Variants in MYH15 observed in about 807,000 individuals in gnomAD.
The protein encoded by MYH15 is myosin-15.
Under a neutral mutation model 240.5 loss-of-function variants are expected in MYH15, and 227 were observed. The observed-to-expected ratio is 0.94, with a 90% confidence interval of 0.85 to 1.05. The LOEUF is 1.05. Ranked by LOEUF, MYH15 falls within the 50% of genes least tolerant of loss-of-function variation. The pLI, the probability that MYH15 is intolerant of heterozygous loss-of-function variation, is 0.00. For missense variants in MYH15, 2,217 were observed against 2,247.5 expected (o/e 0.99, Z 0.27); for synonymous variants, 785 against 796.7 (o/e 0.99, Z 0.25).
chr3:108,410,583 C>T lies in MYH15; in HGVS notation c.4495G>A (p.Glu1499Lys). The T allele has an allele frequency of 3.2e-6, 5 of 1,585,102 alleles. No homozygotes were observed. Among genetic ancestry groups the T allele is most frequent in the Non-Finnish European group, 4.3e-6 (5 of 1,159,446 alleles). Residue 1499 changes from glutamate (E) to lysine (K), a missense_variant and splice_region_variant, in exon 31 of 41, where the codon GAA becomes AAA. Coordinates refer to ENST00000693548, the MANE Select transcript of MYH15 (RefSeq NM_014981.3). ...TGGCTCTGAGCCCAGCTCGGTGTACCTTGGAGGTTCTTGTTCTCCCTCCTG... is the reference window on the plus strand; with the variant it reads ...TGGCTCTGAGCCCAGCTCGGTGTACTTTGGAGGTTCTTGTTCTCCCTCCTG... ...TLRRENKNLQ[E>K]EISNLTNQVR...
intron 27 of MYH15, among the ~76,000 whole-genome samples, chr3:108,422,362 C>T (rs2082690562): frequency 6.6e-6 from 1 of 151,986 alleles, no homozygotes; most frequent in African/African-American, 2.4e-5. Context: ...GGATTATAGG[C>T]ATGCGCCACC....
intron 21 of MYH15, among the ~76,000 whole-genome samples, chr3:108,446,547 A>G (rs190775978): frequency 1.6e-4 from 25 of 152,340 alleles, no homozygotes; most frequent in African/African-American, 5.8e-4. Context: ...TGAATAATCA[A>G]AAAAATGACA....
intron 21 of MYH15, among the ~76,000 whole-genome samples, chr3:108,452,963 AAATT>A: frequency 6.6e-6 from 1 of 152,300 alleles, no homozygotes; most frequent in East Asian, 1.9e-4. Context: ...CAAAAATAAG[AAATT>A]AATAATAATA....
the MYH15 span, among the ~76,000 whole-genome samples, chr3:108,542,058 T>G: frequency 1.3e-5 from 2 of 152,110 alleles, no homozygotes; most frequent in Admixed American, 6.5e-5. Context: ...GGGAAATAAC[T>G]GTCATGTATC....
intron 1 of MYH15, among the ~76,000 whole-genome samples, chr3:108,525,403 T>A (rs1254250814): frequency 6.6e-6 from 1 of 152,142 alleles, no homozygotes; most frequent in African/African-American, 2.4e-5. Flanking sequence ...TGGGTACAGA[T>A]GTTTTAGCAG....
rs542966194 is a variant in MYH15 at position 108,410,901 on chromosome 3, C to T, written c.4177G>A (p.Ala1393Thr). The T allele has an allele frequency of 1.9e-6, 3 of 1,604,856 alleles. No homozygotes were observed. In the African/African-American group the frequency reaches 4.0e-5, roughly 21 times the overall value. The change falls in exon 31 of 41, where the codon GCC (alanine) becomes ACC (threonine). Residue 1393 changes from alanine (A) to threonine (T), a missense_variant. Ala to Thr is a moderately conservative substitution (Grantham distance 58). Transcript: ENST00000693548. ...KELAIRLQEA[A>T]EAMGVANARN... ...GCATTGGCCACCCCCATGGCTTCGGCTGCCTCCTGCAATCTAATTGCCAGT... is the reference window on the plus strand; with the variant it reads ...GCATTGGCCACCCCCATGGCTTCGGTTGCCTCCTGCAATCTAATTGCCAGT...
intron 3 of MYH15, 44 bp downstream of exon 3, chr3:108,501,668 G>A (rs2107238491): frequency 1.2e-6 from 2 of 1,610,660 alleles, no homozygotes; most frequent in Middle Eastern, 3.3e-4. Flanking sequence ...GACATGCAAT[G>A]TGACTGCCAA....
At chr3:108,439,990 T>A (rs12629032) in intron 23 of MYH15, 77 bp from the exon 24 acceptor site, 97,015 of 1,322,558 alleles carry the variant, frequency 0.073, 9,973 homozygotes, top group East Asian at 0.57. Flanking sequence ...ATTTCTCTTC[T>A]GTCGTCCAAA....
upstream of MYH15, among the ~76,000 whole-genome samples, chr3:108,532,147 T>C (rs191432605): frequency 1.6e-4 from 25 of 152,184 alleles, no homozygotes; most frequent in East Asian, 4.5e-3. Flanking sequence ...TGTTGTCATC[T>C]GTGACAGTTA....
In MYH15 at chr3:108,463,180, C is replaced by T. The variant is rs770181748; in HGVS notation, c.1795G>A (p.Ala599Thr). The T allele has an allele frequency of 2.5e-6, 4 of 1,613,344 alleles. No individual in the cohort carries two copies. In the Admixed American group the frequency reaches 5.0e-5, roughly 20 times the overall value. The change falls in exon 16 of 41, where the codon GCT (alanine) becomes ACT (threonine). Residue 599 changes from alanine to threonine, a missense_variant. By Grantham distance (58) the Ala-to-Thr change is moderately conservative (BLOSUM62 0). Coordinates refer to ENST00000693548, the MANE Select transcript of MYH15 (RefSeq NM_014981.3). ...NKDLLNETVV[A>T]VFQKSSNRLL... Reference sequence around the variant, plus strand: ...CTGTTGGAAGACTTCTGAAATACAGCTACCACTGTTTCATTAAGGAGGTCT... The same window carrying T: ...CTGTTGGAAGACTTCTGAAATACAGTTACCACTGTTTCATTAAGGAGGTCT...
chr3:108,471,681 TG>T (rs2083178753), intron 12 of MYH15, among the ~76,000 whole-genome samples: 2 of 152,154 alleles, frequency 1.3e-5, no homozygotes, highest in African/African-American at 4.8e-5. Flanking sequence ...CCCCTCCTTC[TG>T]GTCTTGGGCT....
chr3:108,424,703 T>C (rs1336106649), intron 27 of MYH15, among the ~76,000 whole-genome samples: 2 of 152,250 alleles, frequency 1.3e-5, no homozygotes, highest in African/African-American at 4.8e-5. Flanking sequence ...CCACTCAGCA[T>C]TGGCATTCTT....
chr3:108,533,936 G>C (rs1230325491), upstream of MYH15, among the ~76,000 whole-genome samples: 1 of 152,172 alleles, frequency 6.6e-6, no homozygotes, highest in Non-Finnish European at 1.5e-5. Flanking sequence ...GAGTGAGGCT[G>C]AATCTATAGA....
Position 108,381,560 on chromosome 3 carries a change from C to T in MYH15, c.5767-1G>A. On this transcript the variant is annotated splice_acceptor_variant, in intron 40 of 40. Coordinates refer to ENST00000693548, the MANE Select transcript of MYH15 (RefSeq NM_014981.3). LOFTEE classifies it high-confidence loss of function. ...GCAGGGGATGCTATTCTTCTTGAAC[C>T]TGAAAAACAGAATGTCAGTGTGTTC... 1 of 1,613,750 alleles carries T rather than the reference C, an allele frequency of 6.2e-7. No individual in the cohort carries two copies. Among genetic ancestry groups the T allele is most frequent in the Non-Finnish European group, 8.5e-7 (1 of 1,179,700 alleles).
intron 3 of MYH15, 128 bp downstream of exon 3, chr3:108,501,584 T>C (rs2083438183): frequency 2.5e-6 from 3 of 1,191,404 alleles, no homozygotes; most frequent in Admixed American, 2.1e-5. Context: ...CCCTTCCCAG[T>C]AGACATTGCT....
intron 35 of MYH15, among the ~76,000 whole-genome samples, chr3:108,397,788 C>T (rs2082473141): frequency 1.3e-5 from 2 of 152,168 alleles, no homozygotes; most frequent in Non-Finnish European, 2.9e-5. Flanking sequence ...GCTTTCCTGG[C>T]TCCAAGACAG....
chr3:108,464,548 C>A, intron 15 of MYH15, 90 bp downstream of exon 15: 1 of 1,250,322 alleles, frequency 8.0e-7, no homozygotes, highest in Non-Finnish European at 1.1e-6. Context: ...TTAATCTAAA[C>A]ATTACTTAAA....
chr3:108,518,019 TAAAG>T (rs1446470586), intron 1 of MYH15, among the ~76,000 whole-genome samples: 1 of 152,196 alleles, frequency 6.6e-6, no homozygotes, highest in African/African-American at 2.4e-5. Context: ...GTTTACAACT[TAAAG>T]GAAGGAATCT....
At chr3:108,493,752 G>T (rs1301574598) in intron 7 of MYH15, among the ~76,000 whole-genome samples, 1 of 152,112 alleles carries the variant, frequency 6.6e-6, no homozygotes, top group Non-Finnish European at 1.5e-5. Flanking sequence ...GAAAGGGGGG[G>T]CATAAAATGG....
Sources: allele counts gnomAD v4.1 joint callset (sites outside exome capture counted in the v4.1 genomes callset), GRCh38; gene constraint gnomAD v4.1.1; transcripts MANE v1.5; gene names NCBI Gene and HGNC (gene_info 2026-07-23, HGNC 2026-07-21).